NXPE4: variants seen among roughly 807,000 people sequenced by gnomAD.
The protein encoded by NXPE4 is neurexophilin and PC-esterase domain family member 4.
In NXPE4, 42 loss-of-function variants were observed where a neutral mutation model predicts 33.3. The observed-to-expected ratio is 1.26, with a 90% CI of 0.98 to 1.63. The LOEUF (loss-of-function observed/expected upper bound fraction) is 1.63, where lower values mean the gene tolerates loss of function less well. NXPE4 is among the 40% of genes most tolerant of loss of function. The pLI, the probability that NXPE4 is intolerant of heterozygous loss-of-function variation, is 0.00. For synonymous variants in NXPE4, 253 were observed against 234.9 expected, an observed-to-expected ratio of 1.08 and a Z score of -0.71; for missense variants, 709 against 647.6, an observed-to-expected ratio of 1.09 and a Z score of -1.03.
chr11:114,598,895 T>G (rs1244623162), upstream of NXPE4, among the ~76,000 whole-genome samples: 1 of 152,222 alleles, frequency 6.6e-6, no homozygotes, highest in Non-Finnish European at 1.5e-5. Context: ...CCAAGGCTTA[T>G]GGCTTGCACT....
At chr11:114,573,862 T>G (rs2135182212) in intron 5 of NXPE4, among the ~76,000 whole-genome samples, 1 of 152,078 alleles carries the variant, frequency 6.6e-6, no homozygotes, top group Middle Eastern at 3.4e-3. Flanking sequence ...ACAAATGAAC[T>G]TAACAGATAT....
chr11:114,670,854 C>T, the NXPE4 span, among the ~76,000 whole-genome samples: 2 of 151,438 alleles, frequency 1.3e-5, no homozygotes, highest in Middle Eastern at 3.4e-3. Context: ...GACTCACGAA[C>T]AGGAGAAAAC....
the NXPE4 span, among the ~76,000 whole-genome samples, chr11:114,626,895 G>A: frequency 9.1e-3 from 1,388 of 152,074 alleles, 20 homozygotes; most frequent in African/African-American, 0.032. Context: ...GAGCTGATGC[G>A]ATCAACTGGA....
the NXPE4 span, among the ~76,000 whole-genome samples, chr11:114,664,477 G>T: frequency 2.6e-5 from 4 of 152,092 alleles, no homozygotes; most frequent in Non-Finnish European, 5.9e-5. Flanking sequence ...TTTACTTCAC[G>T]TAAATTGCAC....
At chr11:114,623,714 A>G in the NXPE4 span, among the ~76,000 whole-genome samples, 7 of 152,158 alleles carry the variant, frequency 4.6e-5, no homozygotes, top group South Asian at 2.1e-4. Context: ...TACCCGATGG[A>G]TAATAAGTAT....
upstream of NXPE4, among the ~76,000 whole-genome samples, chr11:114,595,978 T>C (rs1949567138): frequency 6.6e-6 from 1 of 152,194 alleles, no homozygotes; most frequent in Non-Finnish European, 1.5e-5. Context: ...TGATAAATAA[T>C]TGTATTTAGT....
the NXPE4 span, among the ~76,000 whole-genome samples, chr11:114,639,833 A>ATGT: frequency 8.5e-6 from 1 of 117,412 alleles, no homozygotes; most frequent in African/African-American, 3.5e-5. Flanking sequence ...AATATATATT[A>ATGT]TATTAAATAT....
chr11:114,674,009 C>A, the NXPE4 span, among the ~76,000 whole-genome samples: 1 of 151,748 alleles, frequency 6.6e-6, no homozygotes, highest in East Asian at 1.9e-4. Context: ...GAAATCACCC[C>A]AAAGATGATG....
chr11:114,575,614 A>C, intron 5 of NXPE4, among the ~76,000 whole-genome samples: 3 of 152,142 alleles, frequency 2.0e-5, no homozygotes, highest in Middle Eastern at 6.8e-3. Flanking sequence ...AAAATAAAAT[A>C]AAATAAAAAC....
At chr11:114,675,406 T>A in the NXPE4 span, among the ~76,000 whole-genome samples, 4 of 151,626 alleles carry the variant, frequency 2.6e-5, no homozygotes, top group Non-Finnish European at 5.9e-5. Flanking sequence ...TATAGAGAAC[T>A]CTAAAGACTC....
the NXPE4 span, among the ~76,000 whole-genome samples, chr11:114,640,147 T>G: frequency 1.4e-4 from 14 of 97,562 alleles, no homozygotes; most frequent in South Asian, 4.3e-3. Context: ...ATATAATATA[T>G]GATATATTAA....
chr11:114,617,698 G>T, the NXPE4 span, among the ~76,000 whole-genome samples: 16 of 151,998 alleles, frequency 1.1e-4, no homozygotes, highest in East Asian at 7.7e-4. Context: ...GTACTGCCTC[G>T]TGGGTAACCA....
the NXPE4 span, among the ~76,000 whole-genome samples, chr11:114,639,348 C>T: frequency 1.1e-3 from 173 of 152,032 alleles, no homozygotes; most frequent in African/African-American, 4.0e-3. Context: ...GGGAGTGACC[C>T]GATTTTCCAG....
chr11:114,612,934 A>C, the NXPE4 span, among the ~76,000 whole-genome samples: 2 of 151,760 alleles, frequency 1.3e-5, no homozygotes. Context: ...GTTGCATCGC[A>C]TGTATCCACT....
intron 2 of NXPE4, chr11:114,583,278 G>A (rs1949199673): frequency 1.5e-6 from 1 of 649,944 alleles, no homozygotes; most frequent in South Asian, 1.7e-5. Flanking sequence ...GGCACCAGGA[G>A]GAAAGTCTGT....
At position 114,582,644 on chromosome 11, in the gene NXPE4, G is replaced by A. The variant is rs1384012080; in HGVS notation, c.474C>T (p.Phe158=). 1.2e-5 allele frequency: 19 copies of A among 1,614,028 alleles called. No individual in the cohort carries two copies. Among genetic ancestry groups the A allele is most frequent in the Non-Finnish European group, 1.5e-5 (18 of 1,180,018 alleles). The change falls in exon 3 of 6, where the codon TTC becomes TTT. Residue 158 remains phenylalanine (F), a synonymous_variant. Coordinates refer to ENST00000375478, the MANE Select transcript of NXPE4 (RefSeq NM_001077639.2). ...AGCTGACCAGGTAGGTGCCGTTGTT[G>A]AAGTCAGTCACCTTTCCTGAAGCAC... The part of the protein sequence containing the change: ...MAGASGKVTD[F]NNGTYLVSFT...
chr11:114,602,002 A>T, the NXPE4 span, among the ~76,000 whole-genome samples: 1 of 85,662 alleles, frequency 1.2e-5, no homozygotes, highest in Non-Finnish European at 2.0e-5. Flanking sequence ...AATGTATCTA[A>T]TGTATTATAT....
chr11:114,633,322 A>G, the NXPE4 span, among the ~76,000 whole-genome samples: 1 of 140,912 alleles, frequency 7.1e-6, no homozygotes, highest in African/African-American at 2.6e-5. Context: ...TAATTATATT[A>G]TGTGGTATTA....
the NXPE4 span, among the ~76,000 whole-genome samples, chr11:114,650,074 G>GA: frequency 9.9e-5 from 15 of 151,668 alleles, no homozygotes; most frequent in East Asian, 1.9e-4. Flanking sequence ...CTAACAATGA[G>GA]AAAAAAAATC....
Sources: allele counts gnomAD v4.1 joint callset (sites outside exome capture counted in the v4.1 genomes callset), GRCh38; gene constraint gnomAD v4.1.1; transcripts MANE v1.5; gene names NCBI Gene and HGNC (gene_info 2026-07-23, HGNC 2026-07-21).